Variants in ABLIM1 observed in about 807,000 individuals in gnomAD.
ABLIM1 encodes actin binding LIM protein 1.
ABLIM1 carries 40 observed loss-of-function variants against 107.0 expected under a neutral mutation model. The ratio of observed to expected loss-of-function variants is 0.37; its 90% CI spans 0.29 to 0.49. The LOEUF (loss-of-function observed/expected upper bound fraction) is 0.49. Ranked by LOEUF, ABLIM1 falls within the 20% of genes least tolerant of loss-of-function variation. The probability of loss-of-function intolerance (pLI) is 0.97; values close to 1 mark genes in which losing one functional copy is unlikely to be tolerated. For missense variants in ABLIM1, 857 were observed against 1,008.5 expected (o/e 0.85, Z 2.04); for synonymous variants, 357 against 357.3 (o/e 1.00, Z 0.01).
At chr10:114,730,722 T>C (rs2082055518) in intron 1 of ABLIM1, among the ~76,000 whole-genome samples, 1 of 152,152 alleles carries the variant, frequency 6.6e-6, no homozygotes, top group African/African-American at 2.4e-5. Context: ...TGGTTTTTGG[T>C]ATATTCAAGC....
intron 6 of ABLIM1, among the ~76,000 whole-genome samples, chr10:114,535,518 C>G (rs1336525864): frequency 6.6e-6 from 1 of 152,128 alleles, no homozygotes; most frequent in Non-Finnish European, 1.5e-5. Context: ...GCCATGTTGG[C>G]CAGGCTTGTC....
At position 114,707,013 on chromosome 10, in the gene ABLIM1, T is replaced by C. The variant is rs1315596190; in HGVS notation, c.-213+61048A>G. On this transcript the variant is annotated intron_variant, in intron 1 of 15. Coordinates refer to the ABLIM1 transcript ENST00000651092. The surrounding 1 kb of genome is among the most constrained non-coding windows in gnomAD (Gnocchi z 4.1). ...CTGTCAATGGAAATAGAATGTGATA[T>C]ACAAATAATGTAATTTAAATTTGTC... 6.6e-6 allele frequency among the ~76,000 whole-genome samples: 1 copy of C among 152,218 alleles called. No individual in the cohort carries two copies. Among genetic ancestry groups the C allele is most frequent in the African/African-American group, 2.4e-5 (1 of 41,458 alleles).
At chr10:114,512,601 G>C (rs2136076728) in intron 6 of ABLIM1, among the ~76,000 whole-genome samples, 1 of 152,210 alleles carries the variant, frequency 6.6e-6, no homozygotes, top group South Asian at 2.1e-4. Context: ...GAGGAGGACG[G>C]ATCACTTGAG....
intron 2 of ABLIM1, among the ~76,000 whole-genome samples, chr10:114,578,785 C>CTTTTTTTTT (rs35420465): frequency 1.8e-5 from 2 of 111,718 alleles, no homozygotes; most frequent in Non-Finnish European, 3.4e-5. Context: ...TCTTTCTTTT[C>CTTTTTTTTT]TTTTTTTTTT....
At chr10:114,524,810 A>C (rs1386152523) in intron 6 of ABLIM1, among the ~76,000 whole-genome samples, 1 of 152,260 alleles carries the variant, frequency 6.6e-6, no homozygotes, top group East Asian at 1.9e-4. Flanking sequence ...GGGCAGAAGA[A>C]TGTATATCCG....
At chr10:114,631,817 T>C (rs1016014760) in intron 1 of ABLIM1, 4 of 1,265,428 alleles carry the variant, frequency 3.2e-6, no homozygotes, top group Non-Finnish European at 2.1e-6. Context: ...CGGCTTTCGA[T>C]TGATCATTCC....
intron 14 of ABLIM1, chr10:114,450,171 C>A: frequency 3.1e-6 from 1 of 320,040 alleles, no homozygotes; most frequent in Non-Finnish European, 6.4e-6. Flanking sequence ...AGTAGTTAAA[C>A]ATTCACATGT....
intron 4 of ABLIM1, among the ~76,000 whole-genome samples, chr10:114,552,140 C>T (rs1166263064): frequency 6.6e-6 from 1 of 152,208 alleles, no homozygotes; most frequent in African/African-American, 2.4e-5. Flanking sequence ...CTACCCACTC[C>T]TGTCTGGACA....
intron 1 of ABLIM1, among the ~76,000 whole-genome samples, chr10:114,740,868 G>T (rs2082272950): frequency 2.0e-5 from 3 of 151,610 alleles, no homozygotes. Context: ...ACATGGTGAA[G>T]CCCCATATCT....
chr10:114,749,623 T>C (rs2082467741), intron 1 of ABLIM1, among the ~76,000 whole-genome samples: 1 of 152,124 alleles, frequency 6.6e-6, no homozygotes, highest in African/African-American at 2.4e-5. Flanking sequence ...CTCAACACCC[T>C]TGAGTGGTTG....
intron 1 of ABLIM1, among the ~76,000 whole-genome samples, chr10:114,753,496 C>A (rs1213358370): frequency 3.3e-5 from 5 of 152,170 alleles, no homozygotes; most frequent in Non-Finnish European, 5.9e-5. Flanking sequence ...ATGCTACAGC[C>A]ATATGATTGA....
chr10:114,568,604 A>C (rs1270295549), intron 4 of ABLIM1, among the ~76,000 whole-genome samples: 1 of 152,212 alleles, frequency 6.6e-6, no homozygotes, highest in Non-Finnish European at 1.5e-5. Context: ...GTGTGTATCT[A>C]TATAAAAGAG....
intron 12 of ABLIM1, chr10:114,463,133 C>G (rs542408323): frequency 1.5e-6 from 2 of 1,314,602 alleles, no homozygotes; most frequent in Admixed American, 4.5e-5. Flanking sequence ...TGCGCAGGTA[C>G]GACAACCTCT....
At chr10:114,615,050 CAA>C (rs35393607) in intron 1 of ABLIM1, among the ~76,000 whole-genome samples, 7 of 136,784 alleles carry the variant, frequency 5.1e-5, no homozygotes, top group Admixed American at 1.5e-4. Flanking sequence ...AACTCTGTCT[CAA>C]AAAAAAAAAA....
At chr10:114,678,947 T>TTG (rs1209773973) in intron 1 of ABLIM1, among the ~76,000 whole-genome samples, 1 of 152,232 alleles carries the variant, frequency 6.6e-6, no homozygotes, top group Non-Finnish European at 1.5e-5. Flanking sequence ...GATTATATCA[T>TTG]TGGCTGAATT....
At chr10:114,753,296 G>A (rs1007635425) in intron 1 of ABLIM1, among the ~76,000 whole-genome samples, 1 of 152,192 alleles carries the variant, frequency 6.6e-6, no homozygotes, top group African/African-American at 2.4e-5. Context: ...GGGCGTTTGA[G>A]GAATTCTGTG....
At chr10:114,537,484 G>A (rs1045761668) in intron 6 of ABLIM1, among the ~76,000 whole-genome samples, 3 of 152,108 alleles carry the variant, frequency 2.0e-5, no homozygotes, top group Non-Finnish European at 4.4e-5. Flanking sequence ...CTGCATGTTT[G>A]TATCCATTCA....
intron 6 of ABLIM1, among the ~76,000 whole-genome samples, chr10:114,512,988 A>C (rs1349867524): frequency 6.6e-6 from 1 of 152,018 alleles, no homozygotes; most frequent in Non-Finnish European, 1.5e-5. Flanking sequence ...AAAACTCGAG[A>C]GTTTTTTCCT....
At chr10:114,782,813 T>G in the ABLIM1 span, among the ~76,000 whole-genome samples, 4 of 151,774 alleles carry the variant, frequency 2.6e-5, no homozygotes, top group Non-Finnish European at 4.4e-5. Flanking sequence ...AGAAAAAAAA[T>G]AAGAAGAATA....
Sources: allele counts gnomAD v4.1 joint callset (sites outside exome capture counted in the v4.1 genomes callset), GRCh38; gene constraint gnomAD v4.1.1; non-coding constraint Gnocchi (gnomAD v3.1); transcripts MANE v1.5; gene names NCBI Gene and HGNC (gene_info 2026-07-23, HGNC 2026-07-21).